ASIC2: variants seen among roughly 807,000 people sequenced by gnomAD.
The protein encoded by ASIC2 is acid sensing ion channel subunit 2.
ASIC2 carries 25 observed loss-of-function variants against 57.3 expected under a neutral mutation model. The observed-to-expected ratio is 0.44, with a 90% CI of 0.32 to 0.61. The LOEUF is 0.61. Among genes scored for constraint, ASIC2 ranks in the 20% least tolerant of loss-of-function variants. ASIC2 has a pLI of 0.06. For missense variants in ASIC2, 641 were observed against 738.1 expected, an observed-to-expected ratio of 0.87 and a Z score of 1.52; for synonymous variants, 319 against 307.5, an observed-to-expected ratio of 1.04 and a Z score of -0.39.
intron 1 of ASIC2, among the ~76,000 whole-genome samples, chr17:33,821,727 C>T (rs1370936370): frequency 1.3e-5 from 2 of 152,234 alleles, no homozygotes; most frequent in Non-Finnish European, 2.9e-5. Flanking sequence ...AAACTCATTT[C>T]CTTCTCAGGA....
intron 1 of ASIC2, among the ~76,000 whole-genome samples, chr17:33,871,378 C>T (rs992170617): frequency 6.6e-6 from 1 of 152,194 alleles, no homozygotes; most frequent in Non-Finnish European, 1.5e-5. Flanking sequence ...TGCGGCAAGG[C>T]AGCAGAGGCA....
At chr17:33,404,753 T>C (rs1053708204) in intron 1 of ASIC2, among the ~76,000 whole-genome samples, 6 of 152,230 alleles carry the variant, frequency 3.9e-5, no homozygotes, top group Admixed American at 3.9e-4. Flanking sequence ...AGAAATATTT[T>C]GCCACTGTCA....
At chr17:34,087,528 T>C (rs566340147) in intron 1 of ASIC2, among the ~76,000 whole-genome samples, 4 of 152,306 alleles carry the variant, frequency 2.6e-5, no homozygotes, top group African/African-American at 4.8e-5. Context: ...TTGGAGTTGC[T>C]CTTCTCGAGG....
intron 1 of ASIC2, among the ~76,000 whole-genome samples, chr17:33,639,540 A>C (rs1318752671): frequency 1.3e-5 from 2 of 152,106 alleles, no homozygotes; most frequent in Non-Finnish European, 2.9e-5. Context: ...TGACCATGAA[A>C]TTCTCAAAGA....
chr17:33,546,716 C>T (rs1284959823), intron 1 of ASIC2, among the ~76,000 whole-genome samples: 1 of 152,166 alleles, frequency 6.6e-6, no homozygotes, highest in African/African-American at 2.4e-5. Context: ...CAAGTTACCT[C>T]CTCCAGCCCT....
At chr17:34,023,378 AACACACACAC>A (rs59456457) in intron 1 of ASIC2, among the ~76,000 whole-genome samples, 4 of 147,500 alleles carry the variant, frequency 2.7e-5, no homozygotes, top group East Asian at 4.0e-4. Flanking sequence ...CTCTGTCACA[AACACACACAC>A]ACACACACAC....
chr17:33,201,522 C>A (rs914807642), intron 1 of ASIC2, among the ~76,000 whole-genome samples: 3 of 152,206 alleles, frequency 2.0e-5, no homozygotes, highest in African/African-American at 7.2e-5. Flanking sequence ...AACGTTACCA[C>A]CCCCTTTCAT....
At chr17:33,728,175 C>T (rs774637050) in intron 1 of ASIC2, among the ~76,000 whole-genome samples, 3 of 152,186 alleles carry the variant, frequency 2.0e-5, no homozygotes, top group Non-Finnish European at 4.4e-5. Context: ...AAGAGGGCTA[C>T]TGGAGACACC....
chr17:33,879,089 A>C (rs12941805), intron 1 of ASIC2, among the ~76,000 whole-genome samples: 11,857 of 152,174 alleles, frequency 0.078, 572 homozygotes, highest in Admixed American at 0.13. Context: ...GCCTGCCCTA[A>C]AAGAGCTCCT....
chr17:33,760,135 A>C (rs1910737355), intron 1 of ASIC2, among the ~76,000 whole-genome samples: 1 of 151,302 alleles, frequency 6.6e-6, no homozygotes, highest in Admixed American at 6.6e-5. Context: ...ATTTTGAAAA[A>C]ATAAAAGTAT....
chr17:33,647,027 C>T (rs575998312), intron 1 of ASIC2, among the ~76,000 whole-genome samples: 1 of 152,160 alleles, frequency 6.6e-6, no homozygotes, highest in South Asian at 2.1e-4. Flanking sequence ...ACAGCTTTCC[C>T]ACCAGGGAAC....
intron 1 of ASIC2, among the ~76,000 whole-genome samples, chr17:33,454,353 G>A (rs1912376198): frequency 1.3e-5 from 2 of 152,172 alleles, no homozygotes; most frequent in Admixed American, 6.5e-5. Flanking sequence ...GTTACACCAA[G>A]GACTCAACTC....
intron 1 of ASIC2, among the ~76,000 whole-genome samples, chr17:33,747,222 CTTTTTTTTTTTT>C (rs61564362): frequency 8.6e-6 from 1 of 116,810 alleles, no homozygotes; most frequent in African/African-American, 3.4e-5. Flanking sequence ...ATCCAGCCGT[CTTTTTTTTTTTT>C]TTTTTTTTTG....
intron 1 of ASIC2, among the ~76,000 whole-genome samples, chr17:33,875,926 C>T (rs1914534003): frequency 6.6e-6 from 1 of 151,158 alleles, no homozygotes; most frequent in African/African-American, 2.4e-5. Context: ...TTTATTATCA[C>T]AAAAAAGGAG....
At chr17:33,089,242 C>G (rs866701020) in intron 2 of ASIC2, among the ~76,000 whole-genome samples, 2 of 152,216 alleles carry the variant, frequency 1.3e-5, no homozygotes, top group Middle Eastern at 6.8e-3. Context: ...AAGTAGGACC[C>G]AATGTAATCA....
intron 1 of ASIC2, among the ~76,000 whole-genome samples, chr17:33,665,211 T>G (rs1907431168): frequency 6.6e-6 from 1 of 152,184 alleles, no homozygotes; most frequent in South Asian, 2.1e-4. Flanking sequence ...TTCCATTTTG[T>G]GCATTTTTTA....
intron 1 of ASIC2, among the ~76,000 whole-genome samples, chr17:33,252,487 G>A (rs1427755226): frequency 1.3e-5 from 2 of 152,112 alleles, no homozygotes; most frequent in Non-Finnish European, 2.9e-5. Flanking sequence ...TGGCAAAAGC[G>A]TGCTTTTGTT....
chr17:33,256,838 A>G (rs1909098854), intron 1 of ASIC2, among the ~76,000 whole-genome samples: 1 of 152,228 alleles, frequency 6.6e-6, no homozygotes, highest in African/African-American at 2.4e-5. Flanking sequence ...TCTCAAAAAA[A>G]AAATTACTGT....
intron 1 of ASIC2, among the ~76,000 whole-genome samples, chr17:34,074,359 T>C (rs1020550072): frequency 1.6e-4 from 25 of 152,268 alleles, no homozygotes; most frequent in African/African-American, 5.3e-4. Flanking sequence ...CTTTAACAAA[T>C]ACAGGCACCG....
Sources: allele counts gnomAD v4.1 joint callset (sites outside exome capture counted in the v4.1 genomes callset), GRCh38; gene constraint gnomAD v4.1.1; transcripts MANE v1.5; gene names NCBI Gene and HGNC (gene_info 2026-07-23, HGNC 2026-07-21).